The following GNL3L variants were observed in gnomAD, a reference collection of about 807,000 sequenced individuals.
The protein encoded by GNL3L is G protein nucleolar 3 like.
In GNL3L, 4 loss-of-function variants were observed where a neutral mutation model predicts 42.9. The ratio of observed to expected loss-of-function variants is 0.09; its 90% confidence interval spans 0.05 to 0.21. The LOEUF (loss-of-function observed/expected upper bound fraction) is 0.21, where lower values mean the gene tolerates loss of function less well. GNL3L is among the 10% of genes least tolerant of loss of function. GNL3L has a pLI of 1.00. For missense variants in GNL3L, 412 were observed against 481.7 expected, an observed-to-expected ratio of 0.86 and a Z score of 1.36; for synonymous variants, 159 against 176.3, an observed-to-expected ratio of 0.90 and a Z score of 0.78.
At chrX:54,567,475 C>T (rs759568805), downstream of GNL3L, among the ~76,000 whole-genome samples, 2 of 109,407 alleles carry the variant, frequency 1.8e-5, no homozygotes, top group East Asian at 2.9e-4. Flanking sequence ...GGAGAAACCC[C>T]GTCTCTACTA....
intron 16 of GNL3L, among the ~76,000 whole-genome samples, chrX:54,583,726 C>T (rs774680500): frequency 3.6e-5 from 4 of 110,949 alleles, no homozygotes; most frequent in Non-Finnish European, 3.8e-5. Flanking sequence ...ACTGCAGCCT[C>T]GACCTCCCCA....
At chrX:54,537,026 CTTTT>C (rs747450203) in intron 2 of GNL3L, among the ~76,000 whole-genome samples, 7 of 85,891 alleles carry the variant, frequency 8.1e-5, no homozygotes, top group African/African-American at 9.0e-5. Flanking sequence ...GGTTGTTAAT[CTTTT>C]TTTTTTTTTT....
Position 54,560,779 on chromosome X carries a change from G to C in GNL3L, c.*177G>C. The C allele has an allele frequency of 2.6e-6, 1 of 383,250 alleles. No homozygotes were observed. Among genetic ancestry groups the C allele is most frequent in the Admixed American group, 4.0e-5 (1 of 25,005 alleles). The allele number at this position is 383,250 out of a possible 1,213,427, so 31.6% of individuals were successfully genotyped here. ...GTCCCGGCTAGGTGCTGTGGCTCACGTCTGTAATCCCAGCACTTTGGGAGG... is the reference window on the plus strand; with the variant it reads ...GTCCCGGCTAGGTGCTGTGGCTCACCTCTGTAATCCCAGCACTTTGGGAGG... On this transcript the variant is annotated 3_prime_UTR_variant, in exon 16 of 16. Coordinates refer to ENST00000360845, the MANE Select transcript of GNL3L (RefSeq NM_001184819.2).
At chrX:54,596,946 T>TC (rs1468021493) in intron 16 of GNL3L, among the ~76,000 whole-genome samples, 3 of 110,820 alleles carry the variant, frequency 2.7e-5, no homozygotes, top group Non-Finnish European at 5.7e-5. Flanking sequence ...CACCCTGCCC[T>TC]CCCCTCTGGC....
intron 2 of GNL3L, among the ~76,000 whole-genome samples, chrX:54,538,624 TC>T (rs1038289879): frequency 1.8e-5 from 2 of 111,745 alleles, no homozygotes; most frequent in Non-Finnish European, 3.8e-5. Context: ...GAAGGATGGT[TC>T]TTTCCCCACA....
chrX:54,573,146 C>A (rs1208812800), intron 16 of GNL3L, among the ~76,000 whole-genome samples: 1 of 112,035 alleles, frequency 8.9e-6, no homozygotes, highest in African/African-American at 3.2e-5. Context: ...GACGGGGTGG[C>A]GGCCGGGCAG....
intron 16 of GNL3L, among the ~76,000 whole-genome samples, chrX:54,573,330 G>A (rs1296870000): frequency 3.6e-5 from 4 of 111,551 alleles, no homozygotes; most frequent in Admixed American, 9.4e-5. Flanking sequence ...GATCACTCGC[G>A]GTTAGGAGCT....
chrX:54,621,190 A>G (rs1476355391), exon 17 of GNL3L, among the ~76,000 whole-genome samples: 2 of 112,188 alleles, frequency 1.8e-5, no homozygotes, highest in Non-Finnish European at 3.8e-5. Flanking sequence ...TATAGCAGAA[A>G]TGATGGCTGT....
rs201574982 is a variant in GNL3L at position 54,540,230 on chromosome X, A to G, written c.177A>G (p.Leu59=). ...PNDHANREAE[L]KKKWVEEMRE... ...ATCATGCCAATCGAGAGGCTGAATT[A>G]AAGAAGAAGTGGGTAAGCTTTTTGC... The change falls in exon 4 of 16, where the codon TTA becomes TTG. Residue 59 remains leucine (L), a synonymous_variant. Transcript: ENST00000360845. 8.6e-7 allele frequency: 1 copy of G among 1,161,059 alleles called. No homozygotes were observed. The highest frequency in any genetic ancestry group is 1.2e-6 in the Non-Finnish European group (1 of 849,568).
At chrX:54,531,074 C>T (rs915262339) in intron 1 of GNL3L, among the ~76,000 whole-genome samples, 2 of 111,490 alleles carry the variant, frequency 1.8e-5, no homozygotes, top group Admixed American at 9.5e-5. Flanking sequence ...ACTTCCGTAG[C>T]CCCCGTTTTA....
chrX:54,605,416 C>T (rs1374254608), intron 16 of GNL3L, among the ~76,000 whole-genome samples: 1 of 111,218 alleles, frequency 9.0e-6, no homozygotes, highest in East Asian at 2.8e-4. Context: ...CCAAATCTAG[C>T]CTAGATCCGA....
rs756760969 is a variant in GNL3L, at chrX:54,551,899, G to A, written c.1106G>A (p.Arg369His). ...CACTTTCTGACGGCAGTGGCCCACCGTTTGGGGAAGAAGAAGAAGGGAGGC... is the reference window on the plus strand; with the variant it reads ...CACTTTCTGACGGCAGTGGCCCACCATTTGGGGAAGAAGAAGAAGGGAGGC... ...TEHFLTAVAH[R>H]LGKKKKGGLY... Residue 369 changes from arginine to histidine, a missense_variant, in exon 12 of 16, where the codon CGT (arginine) becomes CAT (histidine). By Grantham distance (29) the Arg-to-His change is conservative (BLOSUM62 0). Coordinates refer to ENST00000360845, the MANE Select transcript of GNL3L (RefSeq NM_001184819.2). The A allele has an allele frequency of 6.4e-5, 77 of 1,209,923 alleles. No individual in the cohort carries two copies. Among genetic ancestry groups the A allele is most frequent in the East Asian group, 1.2e-4 (4 of 33,782 alleles).
intron 15 of GNL3L, 104 bp downstream of exon 15, chrX:54,558,759 C>T (rs761099564): frequency 2.0e-4 from 106 of 537,488 alleles, no homozygotes; most frequent in Middle Eastern, 1.0e-3. Flanking sequence ...TGGGTTCAAG[C>T]GATTCTCCTG....
chrX:54,543,903 G>A (rs1486449390), intron 7 of GNL3L: 1 of 212,776 alleles, frequency 4.7e-6, no homozygotes, highest in East Asian at 9.9e-5. Context: ...GATCCAGAGA[G>A]GGGATAGGAA....
downstream of GNL3L, among the ~76,000 whole-genome samples, chrX:54,570,860 C>G (rs994873652): frequency 9.0e-6 from 1 of 111,022 alleles, no homozygotes; most frequent in Non-Finnish European, 1.9e-5. Context: ...TACTTTAAGT[C>G]CTCTTTTAAA....
At chrX:54,551,190 C>T (rs1924926803) in intron 10 of GNL3L, 140 bp downstream of exon 10, 1 of 487,116 alleles carries the variant, frequency 2.1e-6, no homozygotes, top group African/African-American at 2.3e-5. Flanking sequence ...GTCTCATAGC[C>T]CTCATTTTCC....
At chrX:54,619,446 G>T (rs1926261332) in intron 16 of GNL3L, among the ~76,000 whole-genome samples, 1 of 110,399 alleles carries the variant, frequency 9.1e-6, no homozygotes, top group Non-Finnish European at 1.9e-5. Flanking sequence ...GGAAATATAG[G>T]TACAAACATT....
intron 1 of GNL3L, among the ~76,000 whole-genome samples, chrX:54,532,311 C>T (rs1372319909): frequency 9.1e-6 from 1 of 110,353 alleles, no homozygotes; most frequent in African/African-American, 3.3e-5. Flanking sequence ...GAGGTTGAGA[C>T]CTATTCCTCC....
intron 9 of GNL3L, among the ~76,000 whole-genome samples, chrX:54,549,498 A>C (rs1276486360): frequency 1.8e-5 from 2 of 112,622 alleles, no homozygotes; most frequent in Non-Finnish European, 3.8e-5. Context: ...CAGGAGTTTG[A>C]GACCAGCATG....
Sources: allele counts gnomAD v4.1 joint callset (sites outside exome capture counted in the v4.1 genomes callset), GRCh38; gene constraint gnomAD v4.1.1; transcripts MANE v1.5; gene names NCBI Gene and HGNC (gene_info 2026-07-23, HGNC 2026-07-21).